CAPS2: variants seen among roughly 807,000 people sequenced by gnomAD.
The protein encoded by CAPS2 is calcyphosine 2.
A neutral mutation model predicts 86.5 loss-of-function variants in CAPS2; 98 were observed. That is an observed-to-expected ratio of 1.13 (90% CI 0.96 to 1.34). CAPS2 has a LOEUF of 1.34. Ranked by LOEUF, CAPS2 falls within the 40% of genes most tolerant of loss-of-function variation. CAPS2 has a pLI of 0.00. For synonymous variants in CAPS2, 210 were observed against 225.1 expected (o/e 0.93, Z 0.60); for missense variants, 729 against 686.8 (o/e 1.06, Z -0.69).
At chr12:75,306,290 G>A in intron 7 of CAPS2, 4 of 607,992 alleles carry the variant, frequency 6.6e-6, no homozygotes, top group Middle Eastern at 5.1e-4. Flanking sequence ...GGGAAGCTAT[G>A]GAGGAGGCCA....
chr12:75,303,492 T>C (rs112033257), intron 8 of CAPS2, among the ~76,000 whole-genome samples: 1 of 152,238 alleles, frequency 6.6e-6, no homozygotes, highest in South Asian at 2.1e-4. Context: ...TTCGGGGTAC[T>C]GGCAATTGTC....
At chr12:75,347,026 C>T (rs1303481911) in intron 1 of CAPS2, among the ~76,000 whole-genome samples, 1 of 151,444 alleles carries the variant, frequency 6.6e-6, no homozygotes, top group Non-Finnish European at 1.5e-5. Context: ...AACTAGTTTT[C>T]CATAGAAGTC....
At chr12:75,387,575 A>T (rs2045356248) in intron 1 of CAPS2, among the ~76,000 whole-genome samples, 1 of 152,204 alleles carries the variant, frequency 6.6e-6, no homozygotes, top group Non-Finnish European at 1.5e-5. Context: ...CCTGAAACTG[A>T]GTAAGTTATA....
intron 1 of CAPS2, among the ~76,000 whole-genome samples, chr12:75,363,811 G>A (rs910213302): frequency 1.3e-5 from 2 of 152,106 alleles, no homozygotes; most frequent in African/African-American, 4.8e-5. Flanking sequence ...GTCCAAGGTG[G>A]TCAGCCTACA....
intron 9 of CAPS2, 141 bp downstream of exon 9, chr12:75,299,696 T>C: frequency 2.3e-6 from 1 of 429,784 alleles, no homozygotes; most frequent in Non-Finnish European, 4.2e-6. Context: ...ATAGCTATTA[T>C]TTTAAAATGT....
chr12:75,328,646 C>T (rs2041012253), upstream of CAPS2, among the ~76,000 whole-genome samples: 1 of 152,196 alleles, frequency 6.6e-6, no homozygotes, highest in Non-Finnish European at 1.5e-5. Context: ...CTGCATCTAA[C>T]TGTAACATAA....
At chr12:75,282,466 A>G in intron 15 of CAPS2, 119 bp from the exon 16 acceptor site, 1 of 668,648 alleles carries the variant, frequency 1.5e-6, no homozygotes, top group South Asian at 1.7e-5. Context: ...AGCTCACTGC[A>G]ATCTCCGCCT....
exon 15 of CAPS2, chr12:75,284,983 T>C: frequency 1.9e-6 from 3 of 1,607,340 alleles, no homozygotes; most frequent in South Asian, 1.1e-5. Context: ...TGATTTCCTG[T>C]ATTCATTCAT....
intron 1 of CAPS2, among the ~76,000 whole-genome samples, chr12:75,389,100 GATA>G (rs2045442205): frequency 1.3e-5 from 2 of 152,166 alleles, no homozygotes; most frequent in South Asian, 4.1e-4. Flanking sequence ...CTGTTAAAGG[GATA>G]ATAACTATTT....
chr12:75,349,587 T>C (rs1456961609), intron 1 of CAPS2, among the ~76,000 whole-genome samples: 1 of 152,200 alleles, frequency 6.6e-6, no homozygotes, highest in Non-Finnish European at 1.5e-5. Context: ...TTATTATAAC[T>C]GTACTCTATA....
At chr12:75,327,799 T>C (rs559647227), upstream of CAPS2, among the ~76,000 whole-genome samples, 52 of 149,714 alleles carry the variant, frequency 3.5e-4, no homozygotes, top group South Asian at 0.011. Context: ...TATTACAATA[T>C]ACTTTATTTA....
chr12:75,347,408 A>G (rs1039048938), intron 1 of CAPS2, among the ~76,000 whole-genome samples: 1 of 152,096 alleles, frequency 6.6e-6, no homozygotes, highest in Non-Finnish European at 1.5e-5. Flanking sequence ...AAGAATTACC[A>G]GTAAGGAAAA....
intron 2 of CAPS2, 81 bp downstream of exon 3, chr12:75,325,157 AT>A: frequency 7.7e-7 from 1 of 1,298,514 alleles, no homozygotes; most frequent in Middle Eastern, 2.3e-4. Context: ...TACATTTATA[AT>A]TTTGCTTTGT....
chr12:75,279,196 C>T, intron 16 of CAPS2, 131 bp from the exon 17 acceptor site: 1 of 837,262 alleles, frequency 1.2e-6, no homozygotes, highest in South Asian at 1.9e-5. Context: ...AACTACCAGC[C>T]AATTTATTTA....
chr12:75,321,450 T>C (rs2040287667), exon 5 of CAPS2: 8 of 1,548,252 alleles, frequency 5.2e-6, no homozygotes, highest in Non-Finnish European at 7.0e-6. Context: ...ACATTTGATT[T>C]TGTATTTTCT....
chr12:75,308,950 T>G (rs2038841980), intron 7 of CAPS2, among the ~76,000 whole-genome samples: 1 of 148,176 alleles, frequency 6.7e-6, no homozygotes, highest in African/African-American at 2.5e-5. Context: ...CATGGCCAGC[T>G]ACGTTTGGAC....
intron 13 of CAPS2, among the ~76,000 whole-genome samples, chr12:75,290,612 A>T (rs1292854453): frequency 1.3e-5 from 2 of 152,152 alleles, no homozygotes; most frequent in African/African-American, 4.8e-5. Context: ...ATAAATCAGG[A>T]TTCATGAAAA....
At chr12:75,311,718 A>C (rs1156548393) in intron 7 of CAPS2, among the ~76,000 whole-genome samples, 13 of 18,332 alleles carry the variant, frequency 7.1e-4, no homozygotes, top group African/African-American at 1.9e-3. Flanking sequence ...AAAACAAAAA[A>C]AAAAACAAAA....
intron 1 of CAPS2, among the ~76,000 whole-genome samples, chr12:75,341,154 C>T (rs1329065953): frequency 6.6e-6 from 1 of 152,250 alleles, no homozygotes; most frequent in African/African-American, 2.4e-5. Context: ...TAAAAACCTG[C>T]TCACAAATAT....
Sources: allele counts gnomAD v4.1 joint callset (sites outside exome capture counted in the v4.1 genomes callset), GRCh38; gene constraint gnomAD v4.1.1; transcripts MANE v1.5; gene names NCBI Gene and HGNC (gene_info 2026-07-23, HGNC 2026-07-21).